PALLD: variants seen among roughly 807,000 people sequenced by gnomAD.
PALLD encodes palladin, cytoskeletal associated protein.
PALLD carries 61 observed loss-of-function variants against 123.5 expected under a neutral mutation model. That is an observed-to-expected ratio of 0.49 (90% CI 0.40 to 0.61). The LOEUF (loss-of-function observed/expected upper bound fraction) is 0.61, where lower values mean the gene tolerates loss of function less well. Ranked by LOEUF, PALLD falls within the 20% of genes least tolerant of loss-of-function variation. PALLD has a pLI of 0.00. For missense variants in PALLD, 1,273 were observed against 1,377.0 expected (o/e 0.92, Z 1.20); for synonymous variants, 465 against 496.4 (o/e 0.94, Z 0.84).
In PALLD at chr4:168,623,673, C is replaced by A. The variant is rs114675662; in HGVS notation, c.909-44517C>A. The stretch of plus-strand genomic sequence containing the variant: ...TGTGAACGCATAAGGAAAGGCATAC[C>A]GGGCAAACGGAACTGAAAAAGCAAG... On this transcript the variant is annotated intron_variant, in intron 2 of 21. Transcript: ENST00000505667. Among the ~76,000 whole-genome samples the A allele has an allele frequency of 6.3e-3, 957 of 152,214 alleles. 4 individuals carry two copies. The highest frequency in any genetic ancestry group is 0.02 in the Middle Eastern group (6 of 294).
intron 2 of PALLD, among the ~76,000 whole-genome samples, chr4:168,547,767 G>A (rs1465600649): frequency 1.3e-5 from 2 of 151,820 alleles, no homozygotes; most frequent in African/African-American, 2.4e-5. Context: ...CCAACATGGT[G>A]AAACCCCATC....
At chr4:168,543,812 A>C (rs576195466) in intron 2 of PALLD, among the ~76,000 whole-genome samples, 2 of 152,314 alleles carry the variant, frequency 1.3e-5, no homozygotes, top group South Asian at 2.1e-4. Flanking sequence ...AAGTCTTACA[A>C]AATTTTAGTT....
intron 2 of PALLD, among the ~76,000 whole-genome samples, chr4:168,523,218 AGAG>A (rs34279405): frequency 0.45 from 62,861 of 138,702 alleles, 15,191 homozygotes; most frequent in African/African-American, 0.67. Flanking sequence ...ACGAGAAGAA[AGAG>A]GAGAGGAGAG....
intron 10 of PALLD, among the ~76,000 whole-genome samples, chr4:168,826,982 G>A (rs1030634872): frequency 6.6e-6 from 1 of 152,184 alleles, no homozygotes; most frequent in Non-Finnish European, 1.5e-5. Flanking sequence ...GGATGTTCAA[G>A]GCTTACCTCA....
intron 2 of PALLD, among the ~76,000 whole-genome samples, chr4:168,577,177 TG>T (rs1267924718): frequency 1.3e-5 from 2 of 152,136 alleles, no homozygotes; most frequent in Non-Finnish European, 2.9e-5. Flanking sequence ...ACAGCTGAAT[TG>T]GTAACACGTT....
In PALLD at chr4:168,711,565, C is replaced by G; in HGVS notation, c.1622-16C>G. The G allele has an allele frequency of 1.3e-6, 2 of 1,584,972 alleles. No individual in the cohort carries two copies. Among genetic ancestry groups the G allele is most frequent in the Non-Finnish European group, 1.7e-6 (2 of 1,153,436 alleles). ...TGGCATCTTCTTATGTTTTTCCTCT[C>G]TTTCCCCTTCCTTAGCCAACACTGA... On this transcript the variant is annotated splice_polypyrimidine_tract_variant and intron_variant, in intron 9 of 21. Coordinates refer to ENST00000505667, the MANE Select transcript of PALLD (RefSeq NM_001166108.2).
intron 10 of PALLD, among the ~76,000 whole-genome samples, chr4:168,729,868 A>C (rs1183333407): frequency 3.3e-5 from 5 of 152,178 alleles, no homozygotes; most frequent in Admixed American, 3.3e-4. Context: ...GGTTTTTCCT[A>C]AGAACGTTGA....
intron 2 of PALLD, among the ~76,000 whole-genome samples, chr4:168,646,591 T>C (rs1777478990): frequency 6.6e-6 from 1 of 152,208 alleles, no homozygotes; most frequent in South Asian, 2.1e-4. Flanking sequence ...TGTGAAATGG[T>C]GCACAGGAGG....
chr4:168,506,681 A>T (rs1169638190), intron 1 of PALLD, among the ~76,000 whole-genome samples: 1 of 152,212 alleles, frequency 6.6e-6, no homozygotes, highest in African/African-American at 2.4e-5. Flanking sequence ...CTTTTGTTCA[A>T]CTACTACCTT....
intron 11 of PALLD, among the ~76,000 whole-genome samples, chr4:168,891,477 C>A (rs983396061): frequency 6.6e-6 from 1 of 152,102 alleles, no homozygotes; most frequent in Non-Finnish European, 1.5e-5. Flanking sequence ...TTTTATTACC[C>A]TTGAATCTCA....
At chr4:168,708,288 A>ATCC (rs1268587332) in intron 8 of PALLD, among the ~76,000 whole-genome samples, 2 of 152,210 alleles carry the variant, frequency 1.3e-5, no homozygotes, top group Non-Finnish European at 2.9e-5. Flanking sequence ...CATCATCATC[A>ATCC]TCCCCCTCAC....
chr4:168,823,699 C>T (rs2150808221), intron 10 of PALLD, among the ~76,000 whole-genome samples: 1 of 152,218 alleles, frequency 6.6e-6, no homozygotes, highest in Middle Eastern at 3.4e-3. Flanking sequence ...AAATCCCTTT[C>T]TCCTTATGTA....
At chr4:168,894,469 A>C in intron 11 of PALLD, 110 bp from the exon 12 acceptor site, 1 of 738,702 alleles carries the variant, frequency 1.4e-6, no homozygotes, top group Non-Finnish European at 2.4e-6. Context: ...TGGAGAGAGA[A>C]CACTTACAGA....
rs1428618780 is a variant in PALLD at position 168,688,949 on chromosome 4, CACTT to C, written c.1336-1651_1336-1648del. 5.3e-5 allele frequency among the ~76,000 whole-genome samples: 8 copies of C among 152,178 alleles called. No individual in the cohort carries two copies. The East Asian group carries it at 1.2e-3, about 22-fold the overall frequency. On this transcript the variant is annotated intron_variant, in intron 6 of 21. Transcript: ENST00000505667. Reference sequence around the variant, plus strand: ...CGTAGAAGCTGGACCCCATAAGTGACACTTACCCTGTTTTGATCTAATAAATTAG... The same window carrying C: ...CGTAGAAGCTGGACCCCATAAGTGACACCCTGTTTTGATCTAATAAATTAG...
chr4:168,773,250 G>A (rs963791701), intron 10 of PALLD, among the ~76,000 whole-genome samples: 7 of 152,046 alleles, frequency 4.6e-5, no homozygotes, highest in Non-Finnish European at 8.8e-5. Context: ...CTGAACCCCC[G>A]AGCCTGCCCT....
In PALLD at chr4:168,927,501, T is replaced by A. The variant is rs1762711677; in HGVS notation, c.*1321T>A. On this transcript the variant is annotated 3_prime_UTR_variant, in exon 22 of 22. Transcript: ENST00000505667. ...AAGTTGAAAATGGATTGAGACTGCA[T>A]GGTGGCATAAATGAGAAATTGCCTG... The A allele has an allele frequency of 4.3e-6, 1 of 232,218 alleles. No homozygotes were observed. Among genetic ancestry groups the A allele is most frequent in the South Asian group, 1.8e-4 (1 of 5,520 alleles). 14.4% of individuals were successfully genotyped at this position (232,218 alleles called of 1,614,324 possible). A position where few individuals can be genotyped will look rare whatever the true frequency, so the allele number is the denominator to read the frequency against.
intron 10 of PALLD, among the ~76,000 whole-genome samples, chr4:168,848,598 A>T (rs1354135891): frequency 6.6e-6 from 1 of 152,218 alleles, no homozygotes. Context: ...GGTTATTGTC[A>T]AACTTAGAAC....
chr4:168,880,663 C>CGGG (rs1752488623), intron 10 of PALLD, among the ~76,000 whole-genome samples: 1 of 152,234 alleles, frequency 6.6e-6, no homozygotes, highest in South Asian at 2.1e-4. Flanking sequence ...GTGTCCCTAT[C>CGGG]AGGGCTGCCA....
chr4:168,649,406 A>C (rs994841530), intron 2 of PALLD, among the ~76,000 whole-genome samples: 2 of 152,228 alleles, frequency 1.3e-5, no homozygotes, highest in African/African-American at 4.8e-5. Context: ...AATAGTGGGA[A>C]GTTTTAGAAA....
Sources: allele counts gnomAD v4.1 joint callset (sites outside exome capture counted in the v4.1 genomes callset), GRCh38; gene constraint gnomAD v4.1.1; transcripts MANE v1.5; gene names NCBI Gene and HGNC (gene_info 2026-07-23, HGNC 2026-07-21).